DNAH2: variants seen among roughly 807,000 people sequenced by gnomAD.
The protein encoded by DNAH2 is dynein axonemal heavy chain 2.
In DNAH2, 323 loss-of-function variants were observed where a neutral mutation model predicts 523.5. The observed-to-expected ratio is 0.62, with a 90% CI of 0.56 to 0.68. The LOEUF (loss-of-function observed/expected upper bound fraction) is 0.68. Ranked by LOEUF, DNAH2 falls within the 30% of genes least tolerant of loss-of-function variation. DNAH2 has a pLI of 0.00. For synonymous variants in DNAH2, 2,093 were observed against 2,177.4 expected (o/e 0.96, Z 1.08); for missense variants, 4,907 against 5,701.5 (o/e 0.86, Z 4.49).
Position 7,823,437 on chromosome 17 carries a change from A to G in DNAH2, c.11143-5A>G. ...ATCCCTTTCTTCCTCCCCTTCTCCC[A>G]CCAGGTCTTGGATCGGGAGGGCCAA... On this transcript the variant is annotated splice_polypyrimidine_tract_variant and splice_region_variant and intron_variant, in intron 73 of 85. Coordinates refer to ENST00000572933, the MANE Select transcript of DNAH2 (RefSeq NM_020877.5). 1 of 1,612,496 alleles carries G rather than the reference A, an allele frequency of 6.2e-7. No individual in the cohort carries two copies. The highest frequency in any genetic ancestry group is 1.1e-5 in the South Asian group (1 of 91,024).
rs752544467 is a variant in DNAH2 at position 7,739,915 on chromosome 17, C to T, written c.1353C>T (p.Thr451=). 3.1e-6 allele frequency: 5 copies of T among 1,613,936 alleles called. 1 individual carries two copies. The South Asian group carries it at 5.5e-5, about 18-fold the overall frequency. Residue 451 remains threonine (T), a synonymous_variant, in exon 9 of 86, where the codon ACC becomes ACT. Transcript: ENST00000572933. ...GGGGTATCCTGGATGTCAAGAACAC[C>T]TGTTGGCATGAAGACTACAATAAGT... is the stretch of plus-strand genomic sequence containing the variant. ...VRGGILDVKN[T]CWHEDYNKFR...
In DNAH2 at chr17:7,740,648, A is replaced by G. The variant is rs117963529; in HGVS notation, c.1506+99A>G. The G allele has an allele frequency of 6.9e-3, 10,737 of 1,556,384 alleles. 33 individuals are homozygous for G. Among genetic ancestry groups the G allele is most frequent in the Non-Finnish European group, 8.5e-3 (9,795 of 1,154,948 alleles). On this transcript the variant is annotated intron_variant, in intron 10 of 85. Coordinates refer to ENST00000572933, the MANE Select transcript of DNAH2 (RefSeq NM_020877.5). ...CCTGCCTCCACGTGTGCCCTTCTCC[A>G]TGTCCAGCATTCGGGCGCCTCTTGT...
At position 7,817,729 on chromosome 17, in the gene DNAH2, T is replaced by TG; in HGVS notation, c.10169+25dup. ...CAACAGGTGAGGGTGCTGCTGGGCG[T>TG]GGGGGCGGTACGGGAGCATGGGAGA... On this transcript the variant is annotated intron_variant, in intron 66 of 85. Transcript: ENST00000572933. 2 of 1,614,004 alleles carry TG rather than the reference T, an allele frequency of 1.2e-6. No homozygotes were observed. The highest frequency in any genetic ancestry group is 2.2e-5 in the South Asian group (2 of 91,080).
At chr17:7,822,878 A>C (rs1287731371) in intron 73 of DNAH2, among the ~76,000 whole-genome samples, 1 of 152,220 alleles carries the variant, frequency 6.6e-6, no homozygotes, top group African/African-American at 2.4e-5. Flanking sequence ...CATTATTACC[A>C]GGCAACCAGC....
rs780814653 is a variant in DNAH2, at chr17:7,770,376, G to A, written c.4066G>A (p.Ala1356Thr). ...TGTGGAGAAAATTGGGGAGATCTCT[G>A]CTTCAGCAACTAAAGAGCTGGCTAT... is the stretch of plus-strand genomic sequence containing the variant. ...QHVEKIGEISASATKELAIEV... is the reference protein window; with the variant it reads ...QHVEKIGEISTSATKELAIEV... Residue 1356 changes from alanine (A) to threonine (T), a missense_variant, in exon 25 of 86, where the codon GCT (alanine) becomes ACT (threonine). Ala to Thr is a moderately conservative substitution (Grantham distance 58). This residue lies in a region of DNAH2 where 2,806 missense variants were observed against 3,190.8 expected (regional missense o/e 0.88). Transcript: ENST00000572933. 1 of 1,613,894 alleles carries A rather than the reference G, an allele frequency of 6.2e-7. No homozygotes were observed. The highest frequency in any genetic ancestry group is 8.5e-7 in the Non-Finnish European group (1 of 1,179,906).
intron 29 of DNAH2, 113 bp from the exon 30 acceptor site, chr17:7,775,126 GGT>G: frequency 1.6e-6 from 2 of 1,264,940 alleles, no homozygotes; most frequent in South Asian, 2.6e-5. Context: ...TCTTAGAATT[GGT>G]AATATTGAGA....
At chr17:7,823,654 C>A in intron 74 of DNAH2, 26 bp downstream of exon 74, 3 of 1,608,800 alleles carry the variant, frequency 1.9e-6, no homozygotes, top group Non-Finnish European at 2.5e-6. Flanking sequence ...GTCCCACTCT[C>A]ACTTTTCTCC....
At chr17:7,751,193 G>A (rs1426043945) in intron 12 of DNAH2, among the ~76,000 whole-genome samples, 1 of 151,202 alleles carries the variant, frequency 6.6e-6, no homozygotes. Context: ...GTCCAGTCTG[G>A]AGTACAGTGG....
intron 8 of DNAH2, among the ~76,000 whole-genome samples, chr17:7,739,374 CCA>C (rs2075238774): frequency 6.6e-6 from 1 of 152,174 alleles, no homozygotes; most frequent in Non-Finnish European, 1.5e-5. Flanking sequence ...CCACTGCACT[CCA>C]GCCTGGGCAA....
rs2076750752 is a variant in DNAH2 at position 7,786,851 on chromosome 17, A to T, written c.6467-46A>T. ...TCCGAGGAGCGTGAGCGGAGGGTGC[A>T]AGGTGAGCGGCTCCCCGGTTTCCTC... is the stretch of plus-strand genomic sequence containing the variant. On this transcript the variant is annotated intron_variant, in intron 41 of 85. Coordinates refer to ENST00000572933, the MANE Select transcript of DNAH2 (RefSeq NM_020877.5). This position sits in a 1 kb window ranked among gnomAD's most constrained non-coding sequence, Gnocchi z 7.5. The T allele has an allele frequency of 1.2e-6, 2 of 1,613,452 alleles. No individual in the cohort carries two copies. Among genetic ancestry groups the T allele is most frequent in the African/African-American group, 2.7e-5 (2 of 74,896 alleles).
chr17:7,779,449 T>G (rs758784507), intron 36 of DNAH2, 26 bp downstream of exon 36: 11 of 1,607,270 alleles, frequency 6.8e-6, no homozygotes, highest in Non-Finnish European at 9.4e-6. Context: ...TGGATGGGAC[T>G]CCTGGGGTGG....
At chr17:7,725,730 T>C (rs924407625) in intron 3 of DNAH2, among the ~76,000 whole-genome samples, 10 of 125,278 alleles carry the variant, frequency 8.0e-5, no homozygotes, top group Non-Finnish European at 1.3e-4. Flanking sequence ...ATTACAGGCA[T>C]GAGCCACCAC....
At chr17:7,819,524 C>A in intron 72 of DNAH2, 116 bp downstream of exon 72, 1 of 1,049,954 alleles carries the variant, frequency 9.5e-7, no homozygotes, top group Non-Finnish European at 1.4e-6. Context: ...CTGTCCTTGG[C>A]ATATGTCCTC....
rs754844263 is a variant in DNAH2 at position 7,823,874 on chromosome 17, G to A, written c.11370G>A (p.Leu3790=). The A allele has an allele frequency of 6.2e-7, 1 of 1,614,048 alleles. No homozygotes were observed. Among genetic ancestry groups the A allele is most frequent in the African/African-American group, 1.3e-5 (1 of 74,928 alleles). Residue 3790 remains leucine (L), a synonymous_variant, in exon 75 of 86, where the codon CTG becomes CTA. Transcript: ENST00000572933. Reference sequence around the variant, plus strand: ...CCTGCAATGAAATGCAACGGATGCTGATCGTTCGCTCCCTGCGCCAGGACC... The same window carrying A: ...CCTGCAATGAAATGCAACGGATGCTAATCGTTCGCTCCCTGCGCCAGGACC... ...ENACNEMQRM[L]IVRSLRQDRV...
At chr17:7,746,521 T>C (rs1303420937) in intron 12 of DNAH2, among the ~76,000 whole-genome samples, 1 of 152,128 alleles carries the variant, frequency 6.6e-6, no homozygotes, top group Non-Finnish European at 1.5e-5. Context: ...AAGAAAAAAA[T>C]ACTCCTAAGA....
chr17:7,772,601 A>G (rs1161796205), intron 28 of DNAH2, among the ~76,000 whole-genome samples: 1 of 152,194 alleles, frequency 6.6e-6, no homozygotes, highest in East Asian at 1.9e-4. Flanking sequence ...CACACTCACT[A>G]GTGTCCCTCC....
rs1344852177 is a variant in DNAH2, at chr17:7,823,992, T to G, written c.11478+10T>G. 8 of 1,610,128 alleles carry G rather than the reference T, an allele frequency of 5.0e-6. No homozygotes were observed. Among genetic ancestry groups the G allele is most frequent in the Non-Finnish European group, 4.2e-6 (5 of 1,178,226 alleles). ...GCTGAATATGAAGTCGGTCGGTGGC[T>G]CGGCTTCCTTGTCCCCACGGCCCAT... is the stretch of plus-strand genomic sequence containing the variant. On this transcript the variant is annotated intron_variant, in intron 75 of 85. Coordinates refer to ENST00000572933, the MANE Select transcript of DNAH2 (RefSeq NM_020877.5).
chr17:7,741,230 C>T lies in DNAH2; in HGVS notation c.1689+238C>T, dbSNP rs554958796. Among the ~76,000 whole-genome samples the T allele has an allele frequency of 1.3e-4, 17 of 130,352 alleles. No individual in the cohort carries two copies. The South Asian group carries it at 3.5e-3, about 27-fold the overall frequency. 85.5% of individuals were successfully genotyped at this position (130,352 alleles called of 152,430 possible). A position where few individuals can be genotyped will look rare whatever the true frequency, so the allele number is the denominator to read the frequency against. ...TTTTCTTCCTTCCTTTCTTTTTTTT[C>T]TCTCTCTCTTTCTTTCTTTCTTTCT... On this transcript the variant is annotated intron_variant, in intron 11 of 85. Transcript: ENST00000572933.
intron 24 of DNAH2, 97 bp from the exon 25 acceptor site, chr17:7,770,155 A>G: frequency 1.4e-6 from 2 of 1,437,348 alleles, no homozygotes; most frequent in Non-Finnish European, 1.8e-6. Flanking sequence ...TTGAATCATG[A>G]ATTGGTAACT....
Sources: allele counts gnomAD v4.1 joint callset (sites outside exome capture counted in the v4.1 genomes callset), GRCh38; gene constraint gnomAD v4.1.1; regional missense constraint gnomAD v4.1.1; non-coding constraint Gnocchi (gnomAD v3.1); transcripts MANE v1.5; gene names NCBI Gene and HGNC (gene_info 2026-07-23, HGNC 2026-07-21).